Variants in OPCML observed in about 807,000 individuals in gnomAD.
OPCML encodes opioid binding protein/cell adhesion molecule like.
In OPCML, 13 loss-of-function variants were observed where a neutral mutation model predicts 37.8. The observed-to-expected ratio is 0.34, with a 90% confidence interval of 0.22 to 0.55. The LOEUF is 0.55. Ranked by LOEUF, OPCML falls within the 20% of genes least tolerant of loss-of-function variation. The probability of loss-of-function intolerance (pLI) is 0.91; values close to 1 mark genes in which losing one functional copy is unlikely to be tolerated. For synonymous variants in OPCML, 176 were observed against 168.8 expected (o/e 1.04, Z -0.33); for missense variants, 341 against 435.6 (o/e 0.78, Z 1.93).
chr11:132,807,897 C>T (rs947867323), intron 2 of OPCML, among the ~76,000 whole-genome samples: 1 of 151,828 alleles, frequency 6.6e-6, no homozygotes, highest in African/African-American at 2.4e-5. Flanking sequence ...TTCTTCCCAA[C>T]TTATTTGTAA....
At chr11:132,609,524 A>C (rs558250188) in intron 3 of OPCML, among the ~76,000 whole-genome samples, 1 of 152,174 alleles carries the variant, frequency 6.6e-6, no homozygotes, top group Non-Finnish European at 1.5e-5. Flanking sequence ...CCAGCATGCA[A>C]ATATTCAGGC....
intron 3 of OPCML, among the ~76,000 whole-genome samples, chr11:132,539,403 C>T (rs200182582): frequency 6.6e-6 from 1 of 152,180 alleles, no homozygotes; most frequent in East Asian, 1.9e-4. Context: ...GGAACTAAGG[C>T]TGAAAGCGCA....
intron 1 of OPCML, among the ~76,000 whole-genome samples, chr11:133,016,257 C>G (rs1032861024): frequency 6.6e-6 from 1 of 152,126 alleles, no homozygotes; most frequent in African/African-American, 2.4e-5. Context: ...GGTCAAACAG[C>G]CTGGATTCCT....
intron 2 of OPCML, among the ~76,000 whole-genome samples, chr11:132,732,098 G>A (rs1348640828): frequency 6.6e-6 from 1 of 152,218 alleles, no homozygotes; most frequent in Non-Finnish European, 1.5e-5. Context: ...AGATGGGGAT[G>A]TATGGTGAGA....
intron 2 of OPCML, among the ~76,000 whole-genome samples, chr11:132,891,888 C>T (rs1386661142): frequency 1.3e-5 from 2 of 152,186 alleles, no homozygotes; most frequent in East Asian, 1.9e-4. Flanking sequence ...CGCCCATCCT[C>T]TCCCACCCAC....
At chr11:133,236,850 T>A (rs911055706) in intron 1 of OPCML, among the ~76,000 whole-genome samples, 1 of 152,040 alleles carries the variant, frequency 6.6e-6, no homozygotes, top group East Asian at 2.0e-4. Context: ...AAATACAGAA[T>A]GTGAGGTCCC....
At chr11:133,304,385 T>G (rs1271551776) in intron 1 of OPCML, among the ~76,000 whole-genome samples, 1 of 152,270 alleles carries the variant, frequency 6.6e-6, no homozygotes, top group Non-Finnish European at 1.5e-5. Context: ...CAGAATAAAC[T>G]TAGTAAACAG....
chr11:132,886,239 A>C (rs1591755412), intron 2 of OPCML, among the ~76,000 whole-genome samples: 1 of 152,294 alleles, frequency 6.6e-6, no homozygotes, highest in East Asian at 1.9e-4. Flanking sequence ...AACATTTACT[A>C]TTCTCTAATT....
At chr11:132,461,186 G>A (rs1301114487) in intron 4 of OPCML, among the ~76,000 whole-genome samples, 1 of 152,170 alleles carries the variant, frequency 6.6e-6, no homozygotes, top group African/African-American at 2.4e-5. Context: ...GCAGCTGTAA[G>A]AGTGTCCTTT....
rs1940399923 is a variant in OPCML at position 132,827,185 on chromosome 11, C to T, written c.146+115741G>A. Among the ~76,000 whole-genome samples, 3 of 152,110 alleles carry T rather than the reference C, an allele frequency of 2.0e-5. No homozygotes were observed. The South Asian group carries it at 6.2e-4, about 32-fold the overall frequency. ...CATATATCCGATGAAAGATATATCT[C>T]ATAACAGATACAAAAACTACTCTCA... On this transcript the variant is annotated intron_variant, in intron 2 of 7. Coordinates refer to ENST00000524381, the MANE Select transcript of OPCML (RefSeq NM_001012393.5).
intron 2 of OPCML, among the ~76,000 whole-genome samples, chr11:132,940,188 C>A (rs1305199497): frequency 6.6e-6 from 1 of 152,128 alleles, no homozygotes. Flanking sequence ...GGAGGAAAAT[C>A]ACTCTTCTCT....
At chr11:132,722,098 G>A (rs1442240704) in intron 2 of OPCML, among the ~76,000 whole-genome samples, 1 of 151,502 alleles carries the variant, frequency 6.6e-6, no homozygotes, top group African/African-American at 2.4e-5. Flanking sequence ...TGGGACTACA[G>A]ACACCCACCA....
Position 133,205,242 on chromosome 11 carries a change from T to C in OPCML, c.62-262232A>G, listed in dbSNP as rs1939013009. Among the ~76,000 whole-genome samples the C allele has an allele frequency of 6.6e-6, 1 of 152,158 alleles. No individual in the cohort carries two copies. On this transcript the variant is annotated intron_variant, in intron 1 of 7. Transcript: ENST00000524381. The surrounding 1 kb of genome is among the most constrained non-coding windows in gnomAD (Gnocchi z 4.8). ...CAGGGTTTGAAGAGCTTCTGGTTGC[T>C]GAACACTGGTAGGTTCCTTGAGGGT...
chr11:133,156,336 T>C (rs1269012600), intron 1 of OPCML, among the ~76,000 whole-genome samples: 1 of 152,088 alleles, frequency 6.6e-6, no homozygotes, highest in African/African-American at 2.4e-5. Flanking sequence ...TTCTACGGGG[T>C]TTTTCTTCTC....
intron 3 of OPCML, among the ~76,000 whole-genome samples, chr11:132,656,399 G>T (rs562454191): frequency 6.6e-6 from 1 of 152,148 alleles, no homozygotes; most frequent in Non-Finnish European, 1.5e-5. Context: ...TAAAATGCAC[G>T]TGACACAATT....
intron 1 of OPCML, among the ~76,000 whole-genome samples, chr11:133,272,407 A>G (rs765408054): frequency 2.0e-5 from 3 of 152,230 alleles, no homozygotes; most frequent in Non-Finnish European, 4.4e-5. Flanking sequence ...CACTGCAATA[A>G]GACCCACAAA....
At chr11:133,309,773 G>C (rs1350775803) in intron 1 of OPCML, among the ~76,000 whole-genome samples, 2 of 152,188 alleles carry the variant, frequency 1.3e-5, no homozygotes, top group East Asian at 3.9e-4. Flanking sequence ...AGTGGAACTG[G>C]AGATGGATAG....
intron 2 of OPCML, among the ~76,000 whole-genome samples, chr11:132,744,564 T>A (rs6590654): frequency 0.18 from 27,606 of 152,248 alleles, 3,229 homozygotes; most frequent in African/African-American, 0.33. Context: ...AATACTCATC[T>A]GTTCGGAAGA....
At chr11:133,081,117 T>C (rs1033443024) in intron 1 of OPCML, among the ~76,000 whole-genome samples, 5 of 152,230 alleles carry the variant, frequency 3.3e-5, no homozygotes, top group South Asian at 2.1e-4. Context: ...AGGACACTCC[T>C]GCAGCATCCC....
Sources: gnomAD v4.1 joint callset for allele counts (sites outside exome capture counted in the v4.1 genomes callset) on GRCh38, gnomAD v4.1.1 for gene constraint, Gnocchi (gnomAD v3.1) non-coding constraint, MANE v1.5 for transcripts, NCBI Gene and HGNC (gene_info 2026-07-23, HGNC 2026-07-21) for gene names.